The following CTNNA3 variants were observed in gnomAD, a reference collection of about 807,000 sequenced individuals.
The protein encoded by CTNNA3 is catenin alpha 3, also known as catenin alpha-3.
In CTNNA3, 76 loss-of-function variants were observed where a neutral mutation model predicts 95.7. The observed-to-expected ratio is 0.79, with a 90% CI of 0.66 to 0.96. The LOEUF (loss-of-function observed/expected upper bound fraction) is 0.96, where lower values mean the gene tolerates loss of function less well. Among genes scored for constraint, CTNNA3 ranks in the 40% least tolerant of loss-of-function variants. CTNNA3 has a pLI of 0.00. For synonymous variants in CTNNA3, 431 were observed against 374.4 expected (o/e 1.15, Z -1.74); for missense variants, 1,191 against 1,089.8 (o/e 1.09, Z -1.31).
At chr10:67,685,174 G>A (rs772829770) in intron 1 of CTNNA3, among the ~76,000 whole-genome samples, 40 of 152,168 alleles carry the variant, frequency 2.6e-4, no homozygotes, top group Non-Finnish European at 5.0e-4. Flanking sequence ...ATGTTACTCC[G>A]TTAACTTTTA....
chr10:67,498,201 C>T (rs748599359), intron 5 of CTNNA3, among the ~76,000 whole-genome samples: 1 of 152,156 alleles, frequency 6.6e-6, no homozygotes. Context: ...AATCTTTTCC[C>T]CATTGCTTGT....
intron 9 of CTNNA3, among the ~76,000 whole-genome samples, chr10:66,672,225 C>T (rs1328698749): frequency 6.6e-6 from 1 of 152,082 alleles, no homozygotes; most frequent in African/African-American, 2.4e-5. Flanking sequence ...TGGCCATTCA[C>T]CTTGGTCATT....
chr10:66,415,161 CT>C (rs916578285), intron 11 of CTNNA3, among the ~76,000 whole-genome samples: 2 of 152,186 alleles, frequency 1.3e-5, no homozygotes, highest in Non-Finnish European at 2.9e-5. Flanking sequence ...TGGCCAGTGC[CT>C]GTACATGCCA....
rs555328538 is a variant in CTNNA3, at chr10:67,198,205, T to C, written c.844-17685A>G. 4.6e-5 allele frequency among the ~76,000 whole-genome samples: 7 copies of C among 152,296 alleles called. No homozygotes were observed. The East Asian group carries it at 1.2e-3, about 25-fold the overall frequency. ...TTTCACTGTATTTTCCATATGAGATTATGTCATGATATGTTGTGATATCCT... is the reference window on the plus strand; with the variant it reads ...TTTCACTGTATTTTCCATATGAGATCATGTCATGATATGTTGTGATATCCT... On this transcript the variant is annotated intron_variant, in intron 6 of 17. Transcript: ENST00000433211.
At position 66,685,286 on chromosome 10, in the gene CTNNA3, T is replaced by TAA. The variant is rs1491117763; in HGVS notation, c.1282-63503_1282-63502insTT. ...GTGTGTATATATACGTATATATAAG[T>TAA]ATATATATGTGTGTATATATATGTG... On this transcript the variant is annotated intron_variant, in intron 9 of 17. Coordinates refer to ENST00000433211, the MANE Select transcript of CTNNA3 (RefSeq NM_013266.4). Among the ~76,000 whole-genome samples, 10 of 14,062 alleles carry TAA rather than the reference T, an allele frequency of 7.1e-4. 1 individual carries two copies. In the East Asian group the frequency reaches 0.38, roughly 527 times the overall value. The allele number at this position is 14,062 out of a possible 152,430, so 9.2% of individuals were successfully genotyped here. A position where few individuals can be genotyped will look rare whatever the true frequency, so the allele number is the denominator to read the frequency against.
chr10:67,254,770 T>C (rs1236650780), intron 5 of CTNNA3, among the ~76,000 whole-genome samples: 1 of 152,190 alleles, frequency 6.6e-6, no homozygotes, highest in Non-Finnish European at 1.5e-5. Context: ...CTGTACAGGT[T>C]TGTAGCCTAG....
At chr10:67,388,607 G>A (rs1320769399) in intron 5 of CTNNA3, among the ~76,000 whole-genome samples, 53 of 148,074 alleles carry the variant, frequency 3.6e-4, no homozygotes, top group East Asian at 7.9e-4. Flanking sequence ...ACACATAATT[G>A]TCAGATTCAC....
chr10:66,530,528 T>A lies in CTNNA3; in HGVS notation c.1375-9755A>T, dbSNP rs192255938. 5.3e-5 allele frequency among the ~76,000 whole-genome samples: 8 copies of A among 152,298 alleles called. No individual in the cohort carries two copies. The East Asian group carries it at 1.5e-3, about 29-fold the overall frequency. ...CTGCTCTCATACTATACTTCATCTA[T>A]GGCAAATTACCTTTACACTTCAAAT... On this transcript the variant is annotated intron_variant, in intron 10 of 17. Transcript: ENST00000433211.
chr10:66,344,776 G>A (rs61485770), intron 12 of CTNNA3, among the ~76,000 whole-genome samples: 9,457 of 152,066 alleles, frequency 0.062, 435 homozygotes, highest in East Asian at 0.2. Flanking sequence ...ACTGGCAATA[G>A]AGGCATCTGA....
intron 10 of CTNNA3, among the ~76,000 whole-genome samples, chr10:66,607,112 C>A (rs61867498): frequency 0.013 from 1,926 of 151,866 alleles, 23 homozygotes; most frequent in Non-Finnish European, 0.019. Flanking sequence ...CTGCTGACCC[C>A]ACAGAAATAC....
At chr10:67,002,998 T>C (rs1851770759) in intron 7 of CTNNA3, among the ~76,000 whole-genome samples, 1 of 152,142 alleles carries the variant, frequency 6.6e-6, no homozygotes, top group Non-Finnish European at 1.5e-5. Context: ...TCAGATGCAG[T>C]ATTGCTTTCA....
At chr10:66,069,846 G>A (rs1320829234) in intron 14 of CTNNA3, among the ~76,000 whole-genome samples, 1 of 152,080 alleles carries the variant, frequency 6.6e-6, no homozygotes, top group Admixed American at 6.6e-5. Context: ...TTAGAAAAGT[G>A]CGTATAAAAA....
chr10:67,144,316 A>C (rs1045337133), intron 7 of CTNNA3, among the ~76,000 whole-genome samples: 6 of 152,216 alleles, frequency 3.9e-5, no homozygotes, highest in Non-Finnish European at 8.8e-5. Context: ...CAGAAGAGTT[A>C]ATGAGCATTG....
intron 10 of CTNNA3, among the ~76,000 whole-genome samples, chr10:66,607,472 C>CAAAAAAAAAAAAAAA (rs574854850): frequency 1.1e-3 from 48 of 45,272 alleles, no homozygotes; most frequent in African/African-American, 1.2e-3. Flanking sequence ...CAGAGACAAC[C>CAAAAAAAAAAAAAAA]AAAAAAAAAA....
At chr10:65,957,377 T>C (rs890037294) in intron 17 of CTNNA3, among the ~76,000 whole-genome samples, 1 of 152,232 alleles carries the variant, frequency 6.6e-6, no homozygotes, top group Admixed American at 6.5e-5. Context: ...TTGGAGCATT[T>C]AGCCCATTTG....
intron 3 of CTNNA3, among the ~76,000 whole-genome samples, chr10:67,571,218 T>G (rs561843376): frequency 3.8e-4 from 58 of 152,194 alleles, no homozygotes; most frequent in African/African-American, 1.4e-3. Context: ...AAAGAAAAAA[T>G]GATTTGCCTA....
At chr10:66,265,899 ATCTTATCTG>A (rs2091136596) in intron 13 of CTNNA3, among the ~76,000 whole-genome samples, 1 of 152,056 alleles carries the variant, frequency 6.6e-6, no homozygotes, top group African/African-American at 2.4e-5. Flanking sequence ...GAAAATGGAA[ATCTTATCTG>A]TCTTATCTAT....
At chr10:66,118,125 A>G (rs966800538) in intron 13 of CTNNA3, 1 of 152,246 alleles carries the variant, frequency 6.6e-6, no homozygotes, top group African/African-American at 2.4e-5. Flanking sequence ...ACTATAGTTT[A>G]TTTAAAAATA....
chr10:66,997,124 A>G (rs1851399053), intron 7 of CTNNA3, among the ~76,000 whole-genome samples: 3 of 152,202 alleles, frequency 2.0e-5, no homozygotes, highest in Admixed American at 2.0e-4. Flanking sequence ...TGATCTGCAC[A>G]TCAAACAGCT....
Sources: allele counts gnomAD v4.1 joint callset (sites outside exome capture counted in the v4.1 genomes callset), GRCh38; gene constraint gnomAD v4.1.1; transcripts MANE v1.5; gene names NCBI Gene and HGNC (gene_info 2026-07-23, HGNC 2026-07-21).